The following DOCK3 variants were observed in gnomAD, a reference collection of about 807,000 sequenced individuals.
The protein encoded by DOCK3 is dedicator of cytokinesis 3, also known as dedicator of cytokinesis protein 3.
A neutral mutation model predicts 265.6 loss-of-function variants in DOCK3; 60 were observed. The ratio of observed to expected loss-of-function variants is 0.23; its 90% CI spans 0.18 to 0.28. The LOEUF (loss-of-function observed/expected upper bound fraction) is 0.28, where lower values mean the gene tolerates loss of function less well. Among genes scored for constraint, DOCK3 ranks in the 10% least tolerant of loss-of-function variants. The pLI is 1.00. For missense variants in DOCK3, 1,981 were observed against 2,594.3 expected, an observed-to-expected ratio of 0.76 and a Z score of 5.14; for synonymous variants, 881 against 938.0, an observed-to-expected ratio of 0.94 and a Z score of 1.11.
intron 12 of DOCK3, among the ~76,000 whole-genome samples, chr3:51,205,004 T>A (rs1210787968): frequency 7.9e-6 from 1 of 127,164 alleles, no homozygotes; most frequent in Non-Finnish European, 1.6e-5. Context: ...CATCACACTC[T>A]GGGGACTGTT....
At chr3:51,270,034 A>G (rs958376659) in intron 23 of DOCK3, among the ~76,000 whole-genome samples, 4 of 152,126 alleles carry the variant, frequency 2.6e-5, no homozygotes, top group African/African-American at 7.2e-5. Flanking sequence ...AAGGCTGTGG[A>G]ACTGTTCTAT....
chr3:50,870,317 A>G (rs1485418399), intron 3 of DOCK3, among the ~76,000 whole-genome samples: 1 of 152,174 alleles, frequency 6.6e-6, no homozygotes, highest in Non-Finnish European at 1.5e-5. Context: ...ACATATACTT[A>G]AAATTGTTAT....
At chr3:51,153,785 A>G (rs987214438) in intron 10 of DOCK3, among the ~76,000 whole-genome samples, 2 of 152,202 alleles carry the variant, frequency 1.3e-5, no homozygotes, top group African/African-American at 4.8e-5. Context: ...CCACCTTGCC[A>G]TGTGTGTTCT....
chr3:50,867,270 C>A (rs2047187646), intron 3 of DOCK3, among the ~76,000 whole-genome samples: 1 of 151,954 alleles, frequency 6.6e-6, no homozygotes, highest in South Asian at 2.1e-4. Flanking sequence ...TTTGTATGTT[C>A]ATTTTGTTGT....
intron 5 of DOCK3, among the ~76,000 whole-genome samples, chr3:51,050,910 C>G (rs2080971571): frequency 6.6e-6 from 1 of 152,016 alleles, no homozygotes; most frequent in African/African-American, 2.4e-5. Context: ...TTATAGATAA[C>G]CACATATATT....
At chr3:51,132,360 G>A (rs1467298045) in intron 9 of DOCK3, among the ~76,000 whole-genome samples, 2 of 152,104 alleles carry the variant, frequency 1.3e-5, no homozygotes, top group Non-Finnish European at 2.9e-5. Flanking sequence ...ACCTCCTTAT[G>A]AGTCACACTC....
chr3:50,891,113 C>T (rs2048620136), intron 4 of DOCK3, among the ~76,000 whole-genome samples: 1 of 151,952 alleles, frequency 6.6e-6, no homozygotes. Flanking sequence ...GAGGCTGGAA[C>T]CTATTTTCAC....
chr3:51,288,323 C>T (rs1473316390), intron 27 of DOCK3, among the ~76,000 whole-genome samples: 2 of 147,890 alleles, frequency 1.4e-5, no homozygotes, highest in South Asian at 2.1e-4. Flanking sequence ...ACCTAGGAGG[C>T]AGAGGTTGCA....
intron 3 of DOCK3, among the ~76,000 whole-genome samples, chr3:50,886,110 T>C (rs1290452579): frequency 1.3e-5 from 2 of 151,554 alleles, no homozygotes; most frequent in African/African-American, 4.8e-5. Flanking sequence ...TTCACCACTA[T>C]GTTATTTTGT....
chr3:51,306,984 G>A (rs548227120), intron 27 of DOCK3, among the ~76,000 whole-genome samples: 1 of 152,254 alleles, frequency 6.6e-6, no homozygotes, highest in African/African-American at 2.4e-5. Context: ...GTTGAAAACT[G>A]GACATTTTAA....
At chr3:50,888,017 C>T (rs561285839) in intron 3 of DOCK3, among the ~76,000 whole-genome samples, 9 of 152,012 alleles carry the variant, frequency 5.9e-5, no homozygotes, top group African/African-American at 1.4e-4. Context: ...CAGGGCAATT[C>T]GGCAGGAGAA....
At chr3:50,740,750 C>A (rs531136579) in intron 1 of DOCK3, among the ~76,000 whole-genome samples, 3 of 152,068 alleles carry the variant, frequency 2.0e-5, no homozygotes, top group Non-Finnish European at 4.4e-5. Context: ...ATTTGTCATG[C>A]ATTTTGTTGA....
Position 50,794,492 on chromosome 3 carries a change from A to G in DOCK3, c.121+15734A>G, listed in dbSNP as rs187263396. On this transcript the variant is annotated intron_variant, in intron 2 of 52. Coordinates refer to ENST00000266037, the MANE Select transcript of DOCK3 (RefSeq NM_004947.5). ...ATCCTTTACCATTATGTAATGCCCT[A>G]ATTTGTCTTTTTTGATCTTCGTTGG... Among the ~76,000 whole-genome samples, 670 of 152,086 alleles carry G rather than the reference A, an allele frequency of 4.4e-3. 3 individuals carry two copies. The highest frequency in any genetic ancestry group is 7.4e-3 in the Non-Finnish European group (506 of 67,954).
At chr3:50,771,746 G>A (rs928398541) in intron 1 of DOCK3, among the ~76,000 whole-genome samples, 2 of 152,180 alleles carry the variant, frequency 1.3e-5, no homozygotes, top group Admixed American at 1.3e-4. Flanking sequence ...AGCTACTCGG[G>A]AGGCTGAGGC....
At position 51,146,530 on chromosome 3, in the gene DOCK3, T is replaced by G. The variant is rs1315477842; in HGVS notation, c.747-19T>G. 3.8e-6 allele frequency: 6 copies of G among 1,576,020 alleles called. No individual in the cohort carries two copies. The highest frequency in any genetic ancestry group is 5.2e-6 in the Non-Finnish European group (6 of 1,159,670). ...TGTGTTACTCACATTTCTCTATATC[T>G]TTCTTTCCTACATTTCAGTGAGCGG... On this transcript the variant is annotated intron_variant, in intron 9 of 52. Transcript: ENST00000266037.
At chr3:50,968,722 G>T (rs1321467708) in intron 5 of DOCK3, among the ~76,000 whole-genome samples, 1 of 151,960 alleles carries the variant, frequency 6.6e-6, no homozygotes, top group African/African-American at 2.4e-5. Context: ...GCTAATTTTT[G>T]TATTTTTAGT....
chr3:50,749,198 G>A (rs1027073841), intron 1 of DOCK3, among the ~76,000 whole-genome samples: 1 of 152,048 alleles, frequency 6.6e-6, no homozygotes, highest in Non-Finnish European at 1.5e-5. Context: ...GTCTTTCTTT[G>A]TTTCAAATAT....
At chr3:50,705,909 T>C (rs534788867) in intron 1 of DOCK3, among the ~76,000 whole-genome samples, 1 of 152,206 alleles carries the variant, frequency 6.6e-6, no homozygotes, top group East Asian at 1.9e-4. Context: ...TGCACACTTG[T>C]AATCCGAGCT....
In DOCK3 at chr3:51,365,302, T is replaced by A. The variant is rs536132772; in HGVS notation, c.5293+2628T>A. On this transcript the variant is annotated intron_variant, in intron 49 of 52. Transcript: ENST00000266037. ...GCTCTATGTTTGTCTGTTATTGGTGTATAGGAATGCTTGTGATTTTTGCAC... is the reference window on the plus strand; with the variant it reads ...GCTCTATGTTTGTCTGTTATTGGTGAATAGGAATGCTTGTGATTTTTGCAC... Among the ~76,000 whole-genome samples, 5 of 152,358 alleles carry A rather than the reference T, an allele frequency of 3.3e-5. No individual in the cohort carries two copies. In the South Asian group the frequency reaches 8.3e-4, roughly 25 times the overall value.
Sources: allele counts gnomAD v4.1 joint callset (sites outside exome capture counted in the v4.1 genomes callset), GRCh38; gene constraint gnomAD v4.1.1; transcripts MANE v1.5; gene names NCBI Gene and HGNC (gene_info 2026-07-23, HGNC 2026-07-21).